MCM6: variants seen among roughly 807,000 people sequenced by gnomAD.
MCM6 encodes the protein minichromosome maintenance complex component 6, also known as DNA replication licensing factor MCM6.
A neutral mutation model predicts 94.3 loss-of-function variants in MCM6; 46 were observed. That is an observed-to-expected ratio of 0.49 (90% CI 0.39 to 0.62). The LOEUF is 0.62. Ranked by LOEUF, MCM6 falls within the 20% of genes least tolerant of loss-of-function variation. The probability of loss-of-function intolerance (pLI) is 0.00; values close to 1 mark genes in which losing one functional copy is unlikely to be tolerated. For missense variants in MCM6, 865 were observed against 1,017.9 expected, an observed-to-expected ratio of 0.85 and a Z score of 2.04; for synonymous variants, 335 against 351.9, an observed-to-expected ratio of 0.95 and a Z score of 0.54.
intron 2 of MCM6, among the ~76,000 whole-genome samples, 196 bp downstream of exon 2, chr2:135,872,501 C>T (rs1378009969): frequency 2.0e-5 from 3 of 151,908 alleles, no homozygotes; most frequent in Non-Finnish European, 4.4e-5. Flanking sequence ...AAAAAACGTT[C>T]GGCTCTACAA....
chr2:135,851,963 T>C (rs1679785900), intron 12 of MCM6: 1 of 155,186 alleles, frequency 6.4e-6, no homozygotes, highest in Admixed American at 6.3e-5. Context: ...AAAAAGCTGT[T>C]TCAATAAACT....
rs559277294 is a variant in MCM6, at chr2:135,868,916, T to C, written c.366-56A>G. ...CATTCATCTCTTAACTAAGAATCTT[T>C]CCATTTTAGTGAGAGGGTATTCAAA... On this transcript the variant is annotated intron_variant, in intron 3 of 16. Coordinates refer to ENST00000264156, the MANE Select transcript of MCM6 (RefSeq NM_005915.6). The C allele has an allele frequency of 1.4e-5, 22 of 1,528,846 alleles. No homozygotes were observed. In the African/African-American group the frequency reaches 2.9e-4, roughly 20 times the overall value. 94.7% of individuals were successfully genotyped at this position (1,528,846 alleles called of 1,614,324 possible).
intron 16 of MCM6, among the ~76,000 whole-genome samples, chr2:135,844,105 C>T (rs1679629526): frequency 6.7e-6 from 1 of 149,532 alleles, no homozygotes; most frequent in African/African-American, 2.5e-5. Flanking sequence ...CTTTCAGCTG[C>T]TTAGATAAGG....
intron 3 of MCM6, among the ~76,000 whole-genome samples, chr2:135,869,466 T>C (rs1445671489): frequency 1.3e-5 from 2 of 151,906 alleles, no homozygotes; most frequent in Non-Finnish European, 2.9e-5. Context: ...CTTTTTTGCT[T>C]ACCCGCAATT....
chr2:135,872,656 TC>T, intron 2 of MCM6, 40 bp downstream of exon 2: 1 of 1,601,140 alleles, frequency 6.2e-7, no homozygotes, highest in South Asian at 1.1e-5. Flanking sequence ...TTCCCGGATT[TC>T]AACCCCTATT....
chr2:135,844,287 C>A (rs1679631913), intron 16 of MCM6, among the ~76,000 whole-genome samples: 1 of 152,056 alleles, frequency 6.6e-6, no homozygotes, highest in African/African-American at 2.4e-5. Flanking sequence ...GGATGGGAAA[C>A]AGAAGCTTAA....
chr2:135,864,003 C>A (rs184287077), intron 7 of MCM6, among the ~76,000 whole-genome samples: 8 of 151,816 alleles, frequency 5.3e-5, no homozygotes, highest in African/African-American at 1.9e-4. Context: ...CCCAGCTACT[C>A]GTGAGGCTGA....
At chr2:135,876,180 C>T (rs568849539) in intron 1 of MCM6, 79 bp downstream of exon 1, 3 of 1,158,220 alleles carry the variant, frequency 2.6e-6, no homozygotes, top group African/African-American at 1.6e-5. Context: ...CCGGAACACC[C>T]GCCGCCCACA....
Position 135,868,839 on chromosome 2 carries a change from G to A in MCM6, c.387C>T (p.Ser129=). 3.1e-6 allele frequency: 5 copies of A among 1,614,054 alleles called. No individual in the cohort carries two copies. Among genetic ancestry groups the A allele is most frequent in the Non-Finnish European group, 4.2e-6 (5 of 1,179,978 alleles). Residue 129 remains serine (S), a synonymous_variant, in exon 4 of 17, where the codon TCC becomes TCT. Transcript: ENST00000264156. The stretch of plus-strand genomic sequence containing the variant: ...TGATGCGAGTGAGCAAACCAATTCT[G>A]GATGAGGTGAGCTCTCGAATCCTGT... ...TRHKIRELTS[S]RIGLLTRISG... is the part of the protein sequence containing the mutation.
intron 7 of MCM6, among the ~76,000 whole-genome samples, chr2:135,864,313 A>C (rs566256993): frequency 9.2e-5 from 14 of 152,284 alleles, no homozygotes; most frequent in African/African-American, 3.1e-4. Context: ...GTAACCAATC[A>C]TAAACACTCC....
intron 11 of MCM6, among the ~76,000 whole-genome samples, chr2:135,854,552 G>GAGAAAA (rs113730082): frequency 9.6e-6 from 1 of 104,018 alleles, no homozygotes; most frequent in Non-Finnish European, 1.8e-5. Context: ...AAAAAAAAAA[G>GAGAAAA]AGAAAAAGAA....
In MCM6 at chr2:135,854,075, A is replaced by G. The variant is rs551475131; in HGVS notation, c.1627-1160T>C. Among the ~76,000 whole-genome samples the G allele has an allele frequency of 1.1e-3, 162 of 152,208 alleles. 2 individuals are homozygous for G. Among genetic ancestry groups the G allele is most frequent in the African/African-American group, 3.9e-3 (160 of 41,534 alleles). ...AACTCGGTCTCTACAAAAAATACAAAAGTTAGCTGGGCATGGGGGCCTGCA... is the reference window on the plus strand; with the variant it reads ...AACTCGGTCTCTACAAAAAATACAAGAGTTAGCTGGGCATGGGGGCCTGCA... On this transcript the variant is annotated intron_variant, in intron 11 of 16. Transcript: ENST00000264156.
chr2:135,844,479 C>A, intron 16 of MCM6, 66 bp downstream of exon 16: 1 of 1,344,500 alleles, frequency 7.4e-7, no homozygotes, highest in Admixed American at 3.0e-5. Context: ...CACTAGTGAA[C>A]CTGCAGATAC....
intron 1 of MCM6, among the ~76,000 whole-genome samples, chr2:135,875,475 T>C (rs535738882): frequency 9.9e-5 from 15 of 152,032 alleles, no homozygotes; most frequent in Non-Finnish European, 2.1e-4. Flanking sequence ...GTCAACTTTG[T>C]TATGTATATT....
chr2:135,874,373 G>GTTTCA (rs1680259414), intron 1 of MCM6, among the ~76,000 whole-genome samples: 1 of 152,182 alleles, frequency 6.6e-6, no homozygotes. Flanking sequence ...GGTGTACAAG[G>GTTTCA]TTTCACAAAG....
At chr2:135,841,908 C>A (rs1679579603) in intron 16 of MCM6, among the ~76,000 whole-genome samples, 1 of 152,064 alleles carries the variant, frequency 6.6e-6, no homozygotes, top group Non-Finnish European at 1.5e-5. Context: ...AGTTTGAGAC[C>A]AGCCTGGCCA....
Position 135,859,404 on chromosome 2 carries a change from C to G in MCM6, c.1259G>C (p.Ser420Thr). The G allele has an allele frequency of 2.5e-6, 4 of 1,613,446 alleles. No homozygotes were observed. The highest frequency in any genetic ancestry group is 2.5e-6 in the Non-Finnish European group (3 of 1,179,446). Residue 420 changes from serine to threonine, a missense_variant, in exon 9 of 17, where the codon AGT (serine) becomes ACT (threonine). Physicochemically the swap from Ser to Thr is moderately conservative, Grantham distance 58. This residue lies in a region of MCM6 where 153 missense variants were observed against 241.5 expected (regional missense o/e 0.63). Coordinates refer to ENST00000264156, the MANE Select transcript of MCM6 (RefSeq NM_005915.6). Reference sequence around the variant, plus strand: ...GCCAGCAGCACTGGACGCTTTACCACTGGTGTAGACAGCTCTGGGGCTGAA... The same window carrying G: ...GCCAGCAGCACTGGACGCTTTACCAGTGGTGTAGACAGCTCTGGGGCTGAA... ...EEFSPRAVYTSGKASSAAGLT... is the reference protein window; with the variant it reads ...EEFSPRAVYTTGKASSAAGLT...
At chr2:135,874,719 GCAATTGGTTAAGTATAATGTAAACATTC>G (rs946306977) in intron 1 of MCM6, among the ~76,000 whole-genome samples, 1 of 152,064 alleles carries the variant, frequency 6.6e-6, no homozygotes, top group African/African-American at 2.4e-5. Flanking sequence ...AATTAGGGAT[GCAATTGGTTAAGTATAATGTAAACATTC>G]CAAATCTGAA....
chr2:135,860,384 T>A (rs1679969443), intron 8 of MCM6, among the ~76,000 whole-genome samples: 1 of 152,126 alleles, frequency 6.6e-6, no homozygotes, highest in Non-Finnish European at 1.5e-5. Context: ...TCCACCCACC[T>A]CAGCCTCCCA....
Sources: allele counts gnomAD v4.1 joint callset (sites outside exome capture counted in the v4.1 genomes callset), GRCh38; gene constraint gnomAD v4.1.1; regional missense constraint gnomAD v4.1.1; transcripts MANE v1.5; gene names NCBI Gene and HGNC (gene_info 2026-07-23, HGNC 2026-07-21).